The following TEX11 variants were observed in gnomAD, a reference collection of about 807,000 sequenced individuals.
TEX11 encodes the protein testis-expressed protein 11.
A neutral mutation model predicts 84.4 loss-of-function variants in TEX11; 7 were observed. The ratio of observed to expected loss-of-function variants is 0.08; its 90% confidence interval spans 0.05 to 0.16. The LOEUF (loss-of-function observed/expected upper bound fraction) is 0.16. Among genes scored for constraint, TEX11 ranks in the 10% least tolerant of loss-of-function variants. TEX11 has a pLI of 1.00. For missense variants in TEX11, 551 were observed against 660.5 expected (o/e 0.83, Z 1.82); for synonymous variants, 264 against 222.8 (o/e 1.18, Z -1.64).
At chrX:70,570,125 C>T (rs746253749) in intron 25 of TEX11, among the ~76,000 whole-genome samples, 32 of 111,938 alleles carry the variant, frequency 2.9e-4, no homozygotes, top group Non-Finnish European at 4.7e-4. Context: ...CACCCCTCCC[C>T]CGGCCTCGCT....
intron 13 of TEX11, among the ~76,000 whole-genome samples, chrX:70,713,419 C>T (rs1191085558): frequency 9.0e-6 from 1 of 111,675 alleles, no homozygotes; most frequent in Non-Finnish European, 1.9e-5. Context: ...TCCATCTGGT[C>T]CTGGACTTTT....
the TEX11 span, among the ~76,000 whole-genome samples, chrX:70,521,330 G>C: frequency 9.1e-6 from 1 of 110,174 alleles, no homozygotes; most frequent in East Asian, 2.9e-4. Context: ...ACAGGCTGGA[G>C]TGCAGTGGCA....
intron 25 of TEX11, among the ~76,000 whole-genome samples, chrX:70,587,765 C>T (rs920336295): frequency 1.8e-5 from 2 of 112,052 alleles, no homozygotes; most frequent in African/African-American, 6.5e-5. Context: ...GATCCACTGA[C>T]AGCTTGCACT....
chrX:70,745,713 G>A (rs1033857524), intron 9 of TEX11, among the ~76,000 whole-genome samples: 7 of 112,013 alleles, frequency 6.2e-5, no homozygotes, highest in African/African-American at 2.3e-4. Flanking sequence ...CAGCCTGGGC[G>A]ACAGAGTGAA....
At chrX:70,587,215 A>G (rs2088864423) in intron 25 of TEX11, among the ~76,000 whole-genome samples, 1 of 112,577 alleles carries the variant, frequency 8.9e-6, no homozygotes, top group Non-Finnish European at 1.9e-5. Flanking sequence ...AGCTGGCTGC[A>G]GATATTTGCA....
At chrX:70,734,215 A>G (rs2090678311) in intron 11 of TEX11, among the ~76,000 whole-genome samples, 1 of 110,405 alleles carries the variant, frequency 9.1e-6, no homozygotes, top group Non-Finnish European at 1.9e-5. Flanking sequence ...ATGACGAGTT[A>G]ATGGGTGTAG....
the TEX11 span, among the ~76,000 whole-genome samples, chrX:70,514,398 C>G: frequency 9.2e-6 from 1 of 108,865 alleles, no homozygotes; most frequent in East Asian, 2.9e-4. Flanking sequence ...AGATCAAGAC[C>G]ATCTTGGCCA....
chrX:70,677,970 T>C (rs1196637541), intron 15 of TEX11, among the ~76,000 whole-genome samples: 3 of 109,063 alleles, frequency 2.8e-5, no homozygotes, highest in African/African-American at 1.0e-4. Flanking sequence ...TGTGCTACCA[T>C]GCCCAGCTAA....
chrX:70,675,379 TA>T (rs2147644348), intron 15 of TEX11, among the ~76,000 whole-genome samples: 1 of 111,697 alleles, frequency 9.0e-6, no homozygotes, highest in East Asian at 2.8e-4. Context: ...TTTCATTTTT[TA>T]AAAACATATT....
At chrX:70,692,278 T>C (rs1266034106) in intron 13 of TEX11, among the ~76,000 whole-genome samples, 1 of 111,609 alleles carries the variant, frequency 9.0e-6, no homozygotes, top group Non-Finnish European at 1.9e-5. Flanking sequence ...TGTTTTTTGG[T>C]GTAAGAATTC....
At chrX:70,690,148 T>C (rs913908615) in intron 13 of TEX11, among the ~76,000 whole-genome samples, 2 of 111,440 alleles carry the variant, frequency 1.8e-5, no homozygotes, top group African/African-American at 6.5e-5. Flanking sequence ...TCCAAGGAGA[T>C]ATGACAACTA....
At chrX:70,663,718 T>G (rs1330238867) in intron 16 of TEX11, among the ~76,000 whole-genome samples, 1 of 111,954 alleles carries the variant, frequency 8.9e-6, no homozygotes, top group Non-Finnish European at 1.9e-5. Flanking sequence ...TATGACGGAT[T>G]TATCCAGACA....
At chrX:70,724,706 G>C (rs892034859) in intron 12 of TEX11, among the ~76,000 whole-genome samples, 2 of 110,938 alleles carry the variant, frequency 1.8e-5, no homozygotes, top group African/African-American at 3.3e-5. Flanking sequence ...ACCAGGTATG[G>C]TGTTAAATGC....
chrX:70,834,285 CTT>C (rs765923693), intron 7 of TEX11, among the ~76,000 whole-genome samples: 1 of 111,605 alleles, frequency 9.0e-6, no homozygotes, highest in East Asian at 2.8e-4. Context: ...TCATGTGTAA[CTT>C]TGAGCCTTAA....
At chrX:70,608,602 G>A (rs900729794) in intron 22 of TEX11, among the ~76,000 whole-genome samples, 73 of 109,803 alleles carry the variant, frequency 6.6e-4, no homozygotes, top group African/African-American at 2.3e-3. Flanking sequence ...TTAGCCGGGC[G>A]TGGTGGCGGG....
At chrX:70,772,977 C>T (rs141243742) in intron 9 of TEX11, among the ~76,000 whole-genome samples, 1,728 of 109,804 alleles carry the variant, frequency 0.016, 24 homozygotes, top group African/African-American at 0.054. Context: ...GTGAAGAAAG[C>T]CTATGGAATT....
rs1408551678 is a variant in TEX11, at chrX:70,591,780, T to C, written c.2111A>G (p.Asn704Ser). ...TTGTTTCAGGAAATTATGGATGTCATTGCATGTCTGGATCTCCTCAAGTGC... is the reference window on the plus strand; with the variant it reads ...TTGTTTCAGGAAATTATGGATGTCACTGCATGTCTGGATCTCCTCAAGTGC... ...SRALEEIQTC[N>S]DIHNFLKQTG... Residue 704 changes from asparagine (N) to serine (S), a missense_variant, in exon 25 of 30, where the codon AAT becomes AGT. Transcript: ENST00000374333. The C allele has an allele frequency of 1.7e-6, 2 of 1,210,328 alleles. No individual in the cohort carries two copies. The highest frequency in any genetic ancestry group is 4.3e-5 in the Admixed American group (2 of 45,994).
At chrX:70,663,344 G>C (rs1340313334) in intron 16 of TEX11, among the ~76,000 whole-genome samples, 1 of 111,602 alleles carries the variant, frequency 9.0e-6, no homozygotes, top group Non-Finnish European at 1.9e-5. Flanking sequence ...GTTTCCTTAT[G>C]ATAATCCAAA....
chrX:70,639,611 C>T (rs375193010), intron 17 of TEX11, among the ~76,000 whole-genome samples: 194 of 111,702 alleles, frequency 1.7e-3, no homozygotes, highest in South Asian at 0.013. Flanking sequence ...CTCCCTGACC[C>T]CTGACCCCCA....
Sources: gnomAD v4.1 joint callset for allele counts (sites outside exome capture counted in the v4.1 genomes callset) on GRCh38, gnomAD v4.1.1 for gene constraint, MANE v1.5 for transcripts, NCBI Gene and HGNC (gene_info 2026-07-23, HGNC 2026-07-21) for gene names.